Variants in SUV39H2 observed in about 807,000 individuals in gnomAD.
SUV39H2 encodes the protein histone-lysine N-methyltransferase SUV39H2.
In SUV39H2, 10 loss-of-function variants were observed where a neutral mutation model predicts 47.5. The observed-to-expected ratio is 0.21, with a 90% CI of 0.13 to 0.36. The LOEUF (loss-of-function observed/expected upper bound fraction) is 0.36, where lower values mean the gene tolerates loss of function less well. Ranked by LOEUF, SUV39H2 falls within the 10% of genes least tolerant of loss-of-function variation. The probability of loss-of-function intolerance (pLI) is 1.00; values close to 1 mark genes in which losing one functional copy is unlikely to be tolerated. For missense variants in SUV39H2, 266 were observed against 487.4 expected (o/e 0.55, Z 4.28); for synonymous variants, 159 against 166.8 (o/e 0.95, Z 0.36).
At chr10:14,896,708 G>T in intron 2 of SUV39H2, 138 bp from the exon 3 acceptor site, 1 of 617,812 alleles carries the variant, frequency 1.6e-6, no homozygotes, top group Non-Finnish European at 2.7e-6. Context: ...CATGTGTTAG[G>T]AACCTGTGAC....
At chr10:14,880,704 G>A (rs1243495391) in intron 1 of SUV39H2, among the ~76,000 whole-genome samples, 1 of 152,142 alleles carries the variant, frequency 6.6e-6, no homozygotes, top group Non-Finnish European at 1.5e-5. Flanking sequence ...CTTCTGGAAC[G>A]CAATTAGTTT....
At chr10:14,888,543 C>T (rs1260052560) in intron 2 of SUV39H2, among the ~76,000 whole-genome samples, 2 of 151,338 alleles carry the variant, frequency 1.3e-5, no homozygotes, top group Non-Finnish European at 2.9e-5. Flanking sequence ...AGCTGAGGCA[C>T]GAGAATCTCT....
chr10:14,892,687 G>T (rs1467039975), intron 2 of SUV39H2, among the ~76,000 whole-genome samples: 2 of 152,100 alleles, frequency 1.3e-5, no homozygotes, highest in Admixed American at 1.3e-4. Context: ...TTCCCTAAGA[G>T]ATTTTACTCC....
intron 2 of SUV39H2, among the ~76,000 whole-genome samples, chr10:14,895,233 G>A (rs1342966342): frequency 6.7e-6 from 1 of 149,956 alleles, no homozygotes; most frequent in Non-Finnish European, 1.5e-5. Flanking sequence ...CTGGAGTGCA[G>A]TGGCACAGTC....
chr10:14,901,923 A>T (rs1588866486), intron 5 of SUV39H2, among the ~76,000 whole-genome samples: 1 of 152,204 alleles, frequency 6.6e-6, no homozygotes, highest in African/African-American at 2.4e-5. Flanking sequence ...AATTTATTCT[A>T]TTCCTACTTG....
chr10:14,899,064 A>C (rs1833804951), intron 3 of SUV39H2: 1 of 597,090 alleles, frequency 1.7e-6, no homozygotes, highest in Admixed American at 2.8e-5. Flanking sequence ...AGTTACAGTT[A>C]ATCCCAGCAC....
intron 2 of SUV39H2, among the ~76,000 whole-genome samples, chr10:14,886,490 C>G (rs1833212651): frequency 6.6e-6 from 1 of 152,174 alleles, no homozygotes; most frequent in African/African-American, 2.4e-5. Context: ...TCATTTTAGT[C>G]CCGGTACAGA....
chr10:14,887,321 T>A (rs1397892172), intron 2 of SUV39H2, among the ~76,000 whole-genome samples: 2 of 152,084 alleles, frequency 1.3e-5, no homozygotes, highest in African/African-American at 4.8e-5. Flanking sequence ...GTAGTGAAGG[T>A]GCCAGGTCTA....
At chr10:14,889,537 C>T (rs1034581491) in intron 2 of SUV39H2, among the ~76,000 whole-genome samples, 1 of 152,172 alleles carries the variant, frequency 6.6e-6, no homozygotes, top group Non-Finnish European at 1.5e-5. Context: ...CGAGGAAGTG[C>T]GTCTCTCTTT....
intron 5 of SUV39H2, 57 bp downstream of exon 5, chr10:14,901,319 A>G: frequency 6.2e-7 from 1 of 1,605,618 alleles, no homozygotes; most frequent in Non-Finnish European, 8.5e-7. Context: ...GAATCAAATC[A>G]GACTAGGAAC....
intron 2 of SUV39H2, among the ~76,000 whole-genome samples, chr10:14,895,943 GTTTGT>G (rs1380350615): frequency 8.5e-6 from 1 of 118,310 alleles, no homozygotes; most frequent in African/African-American, 3.2e-5. Flanking sequence ...TTTTTTGTTT[GTTTGT>G]TTTGTTTGTT....
intron 2 of SUV39H2, among the ~76,000 whole-genome samples, chr10:14,889,614 G>A (rs1385836346): frequency 6.6e-6 from 1 of 152,162 alleles, no homozygotes; most frequent in Non-Finnish European, 1.5e-5. Flanking sequence ...GGCAGTTAAT[G>A]CCTGGTGGTT....
chr10:14,899,061 G>A (rs2097996770), intron 3 of SUV39H2: 2 of 595,620 alleles, frequency 3.4e-6, no homozygotes, highest in Non-Finnish European at 6.0e-6. Flanking sequence ...ACCAGTTACA[G>A]TTAATCCCAG....
rs969231853 is a variant in SUV39H2, at chr10:14,893,131, G to A, written c.178-3715G>A. Among the ~76,000 whole-genome samples the A allele has an allele frequency of 2.0e-5, 3 of 150,878 alleles. No individual in the cohort carries two copies. The East Asian group carries it at 5.8e-4, about 29-fold the overall frequency. ...CCATTCTCCTGCCTCAGCCTCCCGAGTAGCTGGGACTACAGGCGCCCGCCA... is the reference window on the plus strand; with the variant it reads ...CCATTCTCCTGCCTCAGCCTCCCGAATAGCTGGGACTACAGGCGCCCGCCA... On this transcript the variant is annotated intron_variant, in intron 2 of 5. Coordinates refer to ENST00000354919, the MANE Select transcript of SUV39H2 (RefSeq NM_001193424.2).
At chr10:14,892,268 T>TAC in intron 2 of SUV39H2, among the ~76,000 whole-genome samples, 1 of 152,334 alleles carries the variant, frequency 6.6e-6, no homozygotes, top group East Asian at 1.9e-4. Context: ...GAGTTAAATG[T>TAC]ACTTCATGAA....
intron 1 of SUV39H2, chr10:14,879,271 A>G (rs1832968470): frequency 2.5e-6 from 1 of 400,214 alleles, no homozygotes. Flanking sequence ...TCCGGGGGGC[A>G]CGGCTGCGAC....
intron 1 of SUV39H2, among the ~76,000 whole-genome samples, chr10:14,880,992 A>G (rs963541151): frequency 6.6e-6 from 1 of 152,262 alleles, no homozygotes; most frequent in Non-Finnish European, 1.5e-5. Context: ...CCGTAGAAAT[A>G]TATTTTAATT....
At chr10:14,887,598 A>G (rs1326223156) in intron 2 of SUV39H2, among the ~76,000 whole-genome samples, 1 of 151,958 alleles carries the variant, frequency 6.6e-6, no homozygotes, top group Admixed American at 6.5e-5. Flanking sequence ...GCAAAAAGAT[A>G]GAGAGGGAAG....
chr10:14,902,066 C>T (rs1038485174), intron 5 of SUV39H2, among the ~76,000 whole-genome samples: 11 of 152,064 alleles, frequency 7.2e-5, no homozygotes, highest in African/African-American at 9.7e-5. Context: ...CTTTTATATA[C>T]GGTGTGAAAT....
Sources: gnomAD v4.1 joint callset for allele counts (sites outside exome capture counted in the v4.1 genomes callset) on GRCh38, gnomAD v4.1.1 for gene constraint, MANE v1.5 for transcripts, NCBI Gene and HGNC (gene_info 2026-07-23, HGNC 2026-07-21) for gene names.